The following DNM3 variants were observed in gnomAD, a reference collection of about 807,000 sequenced individuals.
DNM3 encodes dynamin 3.
Under a neutral mutation model 101.6 loss-of-function variants are expected in DNM3, and 47 were observed. The observed-to-expected ratio is 0.46, with a 90% confidence interval of 0.37 to 0.59. The LOEUF (loss-of-function observed/expected upper bound fraction) is 0.59, where lower values mean the gene tolerates loss of function less well. Ranked by LOEUF, DNM3 falls within the 20% of genes least tolerant of loss-of-function variation. The pLI, the probability that DNM3 is intolerant of heterozygous loss-of-function variation, is 0.00. For missense variants in DNM3, 849 were observed against 1,085.7 expected, an observed-to-expected ratio of 0.78 and a Z score of 3.06; for synonymous variants, 385 against 387.9, an observed-to-expected ratio of 0.99 and a Z score of 0.09.
intron 14 of DNM3, among the ~76,000 whole-genome samples, chr1:172,151,961 G>T (rs749907879): frequency 6.6e-6 from 1 of 151,986 alleles, no homozygotes; most frequent in Non-Finnish European, 1.5e-5. Context: ...CTGCAGCCTC[G>T]ACCTCCTGGG....
At chr1:172,342,758 G>A (rs951485896) in intron 17 of DNM3, among the ~76,000 whole-genome samples, 2 of 152,164 alleles carry the variant, frequency 1.3e-5, no homozygotes, top group Admixed American at 6.5e-5. Context: ...TAAACATGTT[G>A]TAGAAGTCAC....
intron 2 of DNM3, among the ~76,000 whole-genome samples, chr1:171,982,324 T>G (rs1198874937): frequency 3.3e-5 from 5 of 152,164 alleles, no homozygotes; most frequent in Non-Finnish European, 7.3e-5. Flanking sequence ...AGAATTTCCT[T>G]CATCCCCAAA....
chr1:172,356,690 C>T (rs1051693777), intron 17 of DNM3, among the ~76,000 whole-genome samples: 1 of 152,044 alleles, frequency 6.6e-6, no homozygotes, highest in Non-Finnish European at 1.5e-5. Flanking sequence ...ACCCCCACAA[C>T]ACTGGAAGTA....
chr1:171,851,603 G>A (rs551522096), intron 1 of DNM3, among the ~76,000 whole-genome samples: 2 of 152,280 alleles, frequency 1.3e-5, no homozygotes, highest in Admixed American at 6.5e-5. Context: ...TAGTAGAGAC[G>A]GGGTTTCGCT....
chr1:171,924,798 T>A (rs552655951), intron 2 of DNM3, among the ~76,000 whole-genome samples: 31 of 152,344 alleles, frequency 2.0e-4, no homozygotes, highest in Middle Eastern at 3.4e-3. Flanking sequence ...TTGATCCGTA[T>A]TTCTCTGATG....
At chr1:171,957,027 T>C (rs982426936) in intron 2 of DNM3, among the ~76,000 whole-genome samples, 1 of 152,020 alleles carries the variant, frequency 6.6e-6, no homozygotes, top group Non-Finnish European at 1.5e-5. Context: ...TCTTCAGCCT[T>C]CACAACTGTG....
chr1:171,927,015 C>G (rs1336902016), intron 2 of DNM3, among the ~76,000 whole-genome samples: 1 of 152,118 alleles, frequency 6.6e-6, no homozygotes, highest in Non-Finnish European at 1.5e-5. Context: ...TCTTGTCACT[C>G]TTATTCAACA....
Position 172,253,566 on chromosome 1 carries a change from A to T in DNM3, c.1660-7A>T, listed in dbSNP as rs1262254312. ...TCTCCCTCTTTTCTTTCTCTCTCTT[A>T]TAATAGGAAAAAGAAAAGAAGTACA... is the stretch of plus-strand genomic sequence containing the variant. On this transcript the variant is annotated splice_polypyrimidine_tract_variant and splice_region_variant and intron_variant, in intron 14 of 20. Coordinates refer to ENST00000627582, the MANE Select transcript of DNM3 (RefSeq NM_015569.5). 3 of 1,541,598 alleles carry T rather than the reference A, an allele frequency of 1.9e-6. No homozygotes were observed. The Admixed American group carries it at 6.0e-5, about 31-fold the overall frequency.
chr1:171,974,463 T>C (rs1215611312), intron 2 of DNM3, among the ~76,000 whole-genome samples: 1 of 152,190 alleles, frequency 6.6e-6, no homozygotes, highest in African/African-American at 2.4e-5. Flanking sequence ...TTGAGGGTGG[T>C]TGTCCTTGTG....
intron 2 of DNM3, among the ~76,000 whole-genome samples, chr1:171,974,843 C>T (rs1482038235): frequency 6.6e-6 from 1 of 151,512 alleles, no homozygotes; most frequent in African/African-American, 2.4e-5. Context: ...TCTCCTCCTC[C>T]TTCTCCCCCT....
chr1:172,406,486 C>A (rs772404341), intron 20 of DNM3, among the ~76,000 whole-genome samples: 15 of 151,922 alleles, frequency 9.9e-5, no homozygotes, highest in Non-Finnish European at 1.8e-4. Flanking sequence ...TTGTACCTCC[C>A]CAAAGAAAGA....
intron 14 of DNM3, among the ~76,000 whole-genome samples, chr1:172,231,618 A>G (rs1194924823): frequency 6.6e-6 from 1 of 152,216 alleles, no homozygotes; most frequent in Non-Finnish European, 1.5e-5. Context: ...AGTTGGGAGA[A>G]GAAGGCTTCA....
intron 15 of DNM3, among the ~76,000 whole-genome samples, chr1:172,254,028 A>G (rs2062297712): frequency 6.6e-6 from 1 of 151,976 alleles, no homozygotes; most frequent in South Asian, 2.1e-4. Flanking sequence ...TGCAGCCTCG[A>G]ACTCCTGGGC....
At chr1:172,243,682 G>A (rs1256250104) in intron 14 of DNM3, among the ~76,000 whole-genome samples, 1 of 152,152 alleles carries the variant, frequency 6.6e-6, no homozygotes, top group Admixed American at 6.6e-5. Flanking sequence ...AACACAGGGA[G>A]TTTATACAGT....
chr1:172,399,731 T>G (rs1207368948), intron 20 of DNM3: 2 of 152,150 alleles, frequency 1.3e-5, no homozygotes, highest in Non-Finnish European at 2.9e-5. Flanking sequence ...CTGGGACGAT[T>G]AATAAATGGT....
intron 1 of DNM3, among the ~76,000 whole-genome samples, chr1:171,886,099 C>T (rs6661147): frequency 0.41 from 62,670 of 152,036 alleles, 13,094 homozygotes; most frequent in Non-Finnish European, 0.43. Context: ...AACTTAAATT[C>T]TGGGAATTTT....
intron 17 of DNM3, among the ~76,000 whole-genome samples, chr1:172,375,673 G>A (rs976385882): frequency 3.3e-5 from 5 of 152,036 alleles, no homozygotes; most frequent in African/African-American, 7.2e-5. Context: ...AAGGTATGGT[G>A]AGAATTATTT....
intron 20 of DNM3, among the ~76,000 whole-genome samples, chr1:172,395,369 C>T (rs111949353): frequency 0.017 from 2,634 of 152,106 alleles, 32 homozygotes; most frequent in Non-Finnish European, 0.026. Flanking sequence ...TAGGGTTTCA[C>T]CATGTTGCCC....
chr1:172,210,035 A>G (rs139393342), intron 14 of DNM3, among the ~76,000 whole-genome samples: 161 of 152,170 alleles, frequency 1.1e-3, no homozygotes, highest in African/African-American at 3.8e-3. Context: ...TTCTAACCTC[A>G]TTACAAGATG....
Sources: gnomAD v4.1 joint callset for allele counts (sites outside exome capture counted in the v4.1 genomes callset) on GRCh38, gnomAD v4.1.1 for gene constraint, MANE v1.5 for transcripts, NCBI Gene and HGNC (gene_info 2026-07-23, HGNC 2026-07-21) for gene names.